CSMD2: variants seen among roughly 807,000 people sequenced by gnomAD.
CSMD2 encodes CUB and Sushi multiple domains 2.
In CSMD2, 130 loss-of-function variants were observed where a neutral mutation model predicts 398.5. That is an observed-to-expected ratio of 0.33 (90% CI 0.28 to 0.38). The LOEUF (loss-of-function observed/expected upper bound fraction) is 0.38. Among genes scored for constraint, CSMD2 ranks in the 10% least tolerant of loss-of-function variants. The pLI is 1.00. For synonymous variants in CSMD2, 1,828 were observed against 1,908.5 expected (o/e 0.96, Z 1.10); for missense variants, 3,829 against 4,764.9 (o/e 0.80, Z 5.78).
intron 14 of CSMD2, 59 bp from the exon 15 acceptor site, chr1:33,739,393 A>G: frequency 3.4e-6 from 5 of 1,475,358 alleles, no homozygotes; most frequent in East Asian, 2.4e-5. Context: ...AAGAATCCCT[A>G]AAGAAAATTA....
At chr1:33,727,088 C>CA (rs141870834) in intron 15 of CSMD2, among the ~76,000 whole-genome samples, 3,661 of 152,298 alleles carry the variant, frequency 0.024, 168 homozygotes, top group African/African-American at 0.083. Context: ...CCCTACAACT[C>CA]AGACGTTCAG....
intron 15 of CSMD2, among the ~76,000 whole-genome samples, chr1:33,738,244 C>T (rs1646945406): frequency 6.6e-6 from 1 of 152,198 alleles, no homozygotes; most frequent in African/African-American, 2.4e-5. Context: ...AGGTTTCTGC[C>T]TCCTAAAAGG....
chr1:33,673,304 C>T (rs541037529), intron 25 of CSMD2, among the ~76,000 whole-genome samples: 15 of 152,280 alleles, frequency 9.9e-5, no homozygotes, highest in South Asian at 2.1e-4. Context: ...ACGAGAACTA[C>T]GTGACGAATG....
chr1:34,010,545 C>G (rs1263348179), intron 3 of CSMD2, among the ~76,000 whole-genome samples: 2 of 152,050 alleles, frequency 1.3e-5, no homozygotes, highest in Admixed American at 6.5e-5. Flanking sequence ...AGGGTGTAAC[C>G]AATGGAGCTG....
At chr1:33,902,135 G>A (rs1421901217) in intron 5 of CSMD2, among the ~76,000 whole-genome samples, 1 of 152,162 alleles carries the variant, frequency 6.6e-6, no homozygotes, top group East Asian at 1.9e-4. Flanking sequence ...TTCTGAAGCA[G>A]GGAGTTGGTC....
chr1:33,693,004 G>A lies in CSMD2; in HGVS notation c.3978C>T (p.Pro1326=), dbSNP rs755172100. 16 of 1,604,476 alleles carry A rather than the reference G, an allele frequency of 1.0e-5. No individual in the cohort carries two copies. Among genetic ancestry groups the A allele is most frequent in the East Asian group, 4.6e-5 (2 of 43,736 alleles). The change falls in exon 25 of 71, where the codon CCC becomes CCT. Residue 1326 remains proline, a synonymous_variant. Transcript: ENST00000373381. ...TGTGTTCATAGGGAGCTGGATACCC[G>A]GGTGACAGCACCTGCCCCGACACCT... The part of the protein sequence containing the change: ...RGEVSGQVLS[P]GYPAPYEHNL...
At chr1:33,958,792 T>C (rs549048) in intron 3 of CSMD2, among the ~76,000 whole-genome samples, 87,200 of 152,032 alleles carry the variant, frequency 0.57, 25,627 homozygotes, top group African/African-American at 0.71. Flanking sequence ...GAGAACTTAG[T>C]TCAGCCATGC....
At chr1:33,651,881 C>G (rs1571093638) in intron 28 of CSMD2, among the ~76,000 whole-genome samples, 1 of 151,936 alleles carries the variant, frequency 6.6e-6, no homozygotes, top group Admixed American at 6.5e-5. Flanking sequence ...TTTTGAAGAG[C>G]TTTTCTGTAG....
In CSMD2 at chr1:33,943,925, T is replaced by TACACAC. The variant is rs57400434; in HGVS notation, c.518-7977_518-7972dup. On this transcript the variant is annotated intron_variant, in intron 3 of 70. Transcript: ENST00000373381. ...ATATATATTATATATTAATCAGAAT[T>TACACAC]ACACACACACACACACACACACACA... 1.7e-3 allele frequency among the ~76,000 whole-genome samples: 241 copies of TACACAC among 144,376 alleles called. 2 individuals carry two copies. Among genetic ancestry groups the TACACAC allele is most frequent in the Middle Eastern group, 0.011 (3 of 274 alleles). 94.7% of individuals were successfully genotyped at this position (144,376 alleles called of 152,430 possible).
chr1:33,542,960 A>G (rs1557508686), intron 57 of CSMD2, 64 bp from the exon 58 acceptor site: 1 of 1,447,564 alleles, frequency 6.9e-7, no homozygotes. Context: ...GGGGACTGAT[A>G]ACTGCCCAGA....
In CSMD2 at chr1:33,585,187, T is replaced by C. The variant is rs191703000; in HGVS notation, c.7051+1317A>G. ...CACTGCACACGGAGAAATCAGTGTT[T>C]TGCAGTAGATGTGCCTTTAGACAGG... is the stretch of plus-strand genomic sequence containing the variant. On this transcript the variant is annotated intron_variant, in intron 46 of 70. Transcript: ENST00000373381. 2.0e-3 allele frequency among the ~76,000 whole-genome samples: 299 copies of C among 152,368 alleles called. 1 individual carries two copies. Among genetic ancestry groups the C allele is most frequent in the Non-Finnish European group, 2.5e-3 (172 of 68,044 alleles).
At chr1:33,909,572 G>C (rs1643331823) in intron 5 of CSMD2, among the ~76,000 whole-genome samples, 1 of 152,080 alleles carries the variant, frequency 6.6e-6, no homozygotes, top group South Asian at 2.1e-4. Flanking sequence ...TGTCAAGCAG[G>C]AGAAGGGCCT....
intron 57 of CSMD2, among the ~76,000 whole-genome samples, chr1:33,544,407 G>A (rs1047930446): frequency 3.3e-5 from 5 of 151,856 alleles, no homozygotes; most frequent in South Asian, 4.2e-4. Flanking sequence ...GTGAGCCACC[G>A]CGCCCGGCCT....
chr1:34,057,280 C>A (rs541358088), intron 2 of CSMD2, among the ~76,000 whole-genome samples: 1 of 152,148 alleles, frequency 6.6e-6, no homozygotes, highest in Non-Finnish European at 1.5e-5. Flanking sequence ...TATGCAACAG[C>A]GCTGAAAACT....
chr1:33,773,663 G>A (rs1651581929), intron 12 of CSMD2, among the ~76,000 whole-genome samples: 1 of 152,182 alleles, frequency 6.6e-6, no homozygotes, highest in Admixed American at 6.5e-5. Context: ...GGGTGGTGGA[G>A]GGGAGGAGGA....
intron 13 of CSMD2, among the ~76,000 whole-genome samples, chr1:33,759,337 T>C (rs577158888): frequency 0.019 from 2,825 of 147,214 alleles, 66 homozygotes; most frequent in South Asian, 0.03. Flanking sequence ...TTTTTTTTTT[T>C]TTTTTTGAGA....
chr1:33,580,882 G>A lies in CSMD2; in HGVS notation c.7258C>T (p.Pro2420Ser), dbSNP rs749464288. The A allele has an allele frequency of 6.8e-6, 11 of 1,614,168 alleles. No homozygotes were observed. Among genetic ancestry groups the A allele is most frequent in the South Asian group, 3.3e-5 (3 of 91,072 alleles). Residue 2420 changes from proline to serine, a missense_variant, in exon 48 of 71, where the codon CCT (proline) becomes TCT (serine). Transcript: ENST00000373381. Reference sequence around the variant, plus strand: ...TTCCCACTGAGGGCTTTCAGCAGAGGACTCTGTCCTGATGGACCTGGGGTG... The same window carrying A: ...TTCCCACTGAGGGCTTTCAGCAGAGAACTCTGTCCTGATGGACCTGGGGTG... The part of the protein sequence containing the change: ...EIFDGPSGQS[P>S]LLKALSGNYS...
intron 39 of CSMD2, among the ~76,000 whole-genome samples, chr1:33,615,996 G>A (rs1375242085): frequency 6.6e-5 from 10 of 152,214 alleles, no homozygotes; most frequent in African/African-American, 2.4e-4. Flanking sequence ...CAAATTGAGG[G>A]TAATGGTACC....
chr1:33,542,690 C>A, intron 58 of CSMD2, 30 bp downstream of exon 58: 1 of 1,593,208 alleles, frequency 6.3e-7, no homozygotes, highest in Admixed American at 1.7e-5. Context: ...CCACTGTTGG[C>A]CATGGAACCC....
Sources: allele counts gnomAD v4.1 joint callset (sites outside exome capture counted in the v4.1 genomes callset), GRCh38; gene constraint gnomAD v4.1.1; transcripts MANE v1.5; gene names NCBI Gene and HGNC (gene_info 2026-07-23, HGNC 2026-07-21).